The following DLEU7 variants were observed in gnomAD, a reference collection of about 807,000 sequenced individuals.
The protein encoded by DLEU7 is deleted in lymphocytic leukemia 7.
In DLEU7, 17 loss-of-function variants were observed where a neutral mutation model predicts 16.0. The ratio of observed to expected loss-of-function variants is 1.06; its 90% confidence interval spans 0.73 to 1.59. The LOEUF (loss-of-function observed/expected upper bound fraction) is 1.59. DLEU7 is among the 40% of genes most tolerant of loss of function. The pLI is 0.00. For synonymous variants in DLEU7, 113 were observed against 139.8 expected, an observed-to-expected ratio of 0.81 and a Z score of 1.35; for missense variants, 308 against 314.9, an observed-to-expected ratio of 0.98 and a Z score of 0.17.
intron 1 of DLEU7, among the ~76,000 whole-genome samples, chr13:50,731,967 AAAG>A (rs1239758703): frequency 1.3e-5 from 2 of 152,246 alleles, no homozygotes; most frequent in Non-Finnish European, 2.9e-5. Context: ...ATAAAACTGA[AAAG>A]AAAATTATAT....
chr13:50,813,721 T>C (rs943979161), intron 1 of DLEU7, among the ~76,000 whole-genome samples: 1 of 152,086 alleles, frequency 6.6e-6, no homozygotes, highest in South Asian at 2.1e-4. Flanking sequence ...AAATTCAACA[T>C]GGTAATTTTT....
intron 1 of DLEU7, among the ~76,000 whole-genome samples, chr13:50,714,255 A>G (rs1318096249): frequency 6.6e-6 from 1 of 152,136 alleles, no homozygotes; most frequent in Non-Finnish European, 1.5e-5. Flanking sequence ...TTTCATCCAC[A>G]TTAATTCCGG....
intron 1 of DLEU7, among the ~76,000 whole-genome samples, chr13:50,716,990 C>A (rs1462116639): frequency 1.3e-5 from 2 of 151,752 alleles, no homozygotes; most frequent in East Asian, 1.9e-4. Context: ...TAATTTAAAC[C>A]AATACAATTC....
rs1027623859 is a variant in DLEU7, at chr13:50,726,038, A to G, written c.460-12798T>C. ...CATTATGTCAGGCCTCAAGGATACA[A>G]AGATCAATGCAGTGTGATTCCTGCC... On this transcript the variant is annotated intron_variant, in intron 1 of 1. Transcript: ENST00000400393. The surrounding 1 kb of genome is among the most constrained non-coding windows in gnomAD (Gnocchi z 4.0). 3.3e-5 allele frequency among the ~76,000 whole-genome samples: 5 copies of G among 152,206 alleles called. No individual in the cohort carries two copies. The highest frequency in any genetic ancestry group is 1.2e-4 in the African/African-American group (5 of 41,468).
At position 50,719,810 on chromosome 13, in the gene DLEU7, A is replaced by G. The variant is rs1033628798; in HGVS notation, c.460-6570T>C. 1.7e-4 allele frequency: 26 copies of G among 152,338 alleles called. 1 individual carries two copies. The highest frequency in any genetic ancestry group is 1.2e-3 in the Admixed American group (18 of 15,308). The allele number at this position is 152,338 out of a possible 1,614,324, so 9.4% of individuals were successfully genotyped here. A position where few individuals can be genotyped will look rare whatever the true frequency, so the allele number is the denominator to read the frequency against. On this transcript the variant is annotated intron_variant, in intron 1 of 1. Transcript: ENST00000400393. ...ATTAGACATGACTTTAGACAGTTTT[A>G]TAAGAAAAATGGAATGAATTGAATA...
chr13:50,757,328 C>T (rs1383917537), intron 1 of DLEU7, among the ~76,000 whole-genome samples: 1 of 152,200 alleles, frequency 6.6e-6, no homozygotes, highest in Non-Finnish European at 1.5e-5. Context: ...GCTTCTAACT[C>T]AGCACCCAGA....
At chr13:50,810,693 G>C (rs1047835896) in intron 1 of DLEU7, among the ~76,000 whole-genome samples, 2 of 152,138 alleles carry the variant, frequency 1.3e-5, no homozygotes, top group African/African-American at 4.8e-5. Flanking sequence ...ATGCAGAGCT[G>C]TCATACCCAT....
intron 1 of DLEU7, among the ~76,000 whole-genome samples, chr13:50,729,625 C>A (rs1349658663): frequency 6.6e-6 from 1 of 152,162 alleles, no homozygotes; most frequent in Non-Finnish European, 1.5e-5. Flanking sequence ...TCCACAGTGG[C>A]TGAACTAATT....
chr13:50,839,421 A>G (rs1172222242), intron 1 of DLEU7, among the ~76,000 whole-genome samples: 2 of 152,260 alleles, frequency 1.3e-5, no homozygotes, highest in African/African-American at 4.8e-5. Flanking sequence ...CTAAGTGTTC[A>G]AAAGGAGTAT....
exon 2 of DLEU7, chr13:50,712,634 C>T (rs917454303): frequency 6.6e-6 from 1 of 152,670 alleles, no homozygotes; most frequent in African/African-American, 2.4e-5. Flanking sequence ...AACTCGCATG[C>T]TGGCTTTGCA....
At chr13:50,742,944 T>G (rs1874292105) in intron 1 of DLEU7, among the ~76,000 whole-genome samples, 1 of 152,054 alleles carries the variant, frequency 6.6e-6, no homozygotes, top group African/African-American at 2.4e-5. Flanking sequence ...CTGATAAAAC[T>G]CATGTCTGGA....
At chr13:50,763,596 C>G (rs908881234) in intron 1 of DLEU7, among the ~76,000 whole-genome samples, 4 of 152,210 alleles carry the variant, frequency 2.6e-5, no homozygotes, top group Non-Finnish European at 5.9e-5. Context: ...ACAGAACTGT[C>G]AGAAAATTCT....
At chr13:50,753,345 C>T (rs1566239118) in intron 1 of DLEU7, among the ~76,000 whole-genome samples, 1 of 152,194 alleles carries the variant, frequency 6.6e-6, no homozygotes, top group Non-Finnish European at 1.5e-5. Flanking sequence ...GGACTGGGCG[C>T]CCTGGAGCAG....
At chr13:50,712,186 C>T (rs1280179449) in exon 2 of DLEU7, 1 of 152,152 alleles carries the variant, frequency 6.6e-6, no homozygotes, top group East Asian at 1.9e-4. Context: ...GGGCCAAGTG[C>T]CCACATCAGT....
intron 1 of DLEU7, among the ~76,000 whole-genome samples, chr13:50,801,500 T>C (rs1252110004): frequency 2.0e-5 from 3 of 152,104 alleles, no homozygotes; most frequent in African/African-American, 4.8e-5. Context: ...AGGCAAGAGA[T>C]TGACGACTCA....
At chr13:50,766,881 CAG>C (rs1423286863) in intron 1 of DLEU7, among the ~76,000 whole-genome samples, 2 of 150,696 alleles carry the variant, frequency 1.3e-5, no homozygotes, top group Non-Finnish European at 3.0e-5. Context: ...GCCAAACACA[CAG>C]AGCAACACTG....
At chr13:50,813,233 A>G (rs1876621719) in intron 1 of DLEU7, 1 of 152,216 alleles carries the variant, frequency 6.6e-6, no homozygotes, top group South Asian at 2.1e-4. Context: ...AGCTTCAGGA[A>G]GGATGACTGA....
At chr13:50,834,046 G>A (rs1877365297) in intron 1 of DLEU7, among the ~76,000 whole-genome samples, 1 of 151,814 alleles carries the variant, frequency 6.6e-6, no homozygotes, top group Admixed American at 6.6e-5. Context: ...ACCTCAAGAT[G>A]GATTAAAGAC....
At chr13:50,761,956 C>T (rs568489990) in intron 1 of DLEU7, among the ~76,000 whole-genome samples, 12 of 151,774 alleles carry the variant, frequency 7.9e-5, no homozygotes, top group African/African-American at 2.7e-4. Context: ...TTTGGGAGGC[C>T]GAGGTGGGTG....
Sources: gnomAD v4.1 joint callset for allele counts (sites outside exome capture counted in the v4.1 genomes callset) on GRCh38, gnomAD v4.1.1 for gene constraint, Gnocchi (gnomAD v3.1) non-coding constraint, MANE v1.5 for transcripts, NCBI Gene and HGNC (gene_info 2026-07-23, HGNC 2026-07-21) for gene names.